DIP2C: variants seen among roughly 807,000 people sequenced by gnomAD.
The protein encoded by DIP2C is DIP2 acetate--CoA ligase C (putative), also known as disco-interacting protein 2 homolog C.
In DIP2C, 33 loss-of-function variants were observed where a neutral mutation model predicts 192.4. That is an observed-to-expected ratio of 0.17 (90% CI 0.13 to 0.23). The LOEUF (loss-of-function observed/expected upper bound fraction) is 0.23, where lower values mean the gene tolerates loss of function less well. Among genes scored for constraint, DIP2C ranks in the 10% least tolerant of loss-of-function variants. DIP2C has a pLI of 1.00. For synonymous variants in DIP2C, 979 were observed against 864.1 expected (o/e 1.13, Z -2.33); for missense variants, 1,537 against 2,110.1 (o/e 0.73, Z 5.32).
At chr10:422,641 G>A (rs1444015055) in intron 5 of DIP2C, among the ~76,000 whole-genome samples, 183 bp downstream of exon 5, 3 of 152,210 alleles carry the variant, frequency 2.0e-5, no homozygotes, top group Non-Finnish European at 2.9e-5. Context: ...GCTGTGGGAG[G>A]GACCTGGGCA....
intron 34 of DIP2C, among the ~76,000 whole-genome samples, chr10:285,144 G>C (rs922262327): frequency 5.0e-5 from 6 of 120,342 alleles, no homozygotes; most frequent in Non-Finnish European, 1.0e-4. Flanking sequence ...GAGAGGTCAA[G>C]TGAGGGGCCA....
chr10:352,740 G>A (rs1958883816), intron 24 of DIP2C, among the ~76,000 whole-genome samples: 1 of 152,162 alleles, frequency 6.6e-6, no homozygotes, highest in Non-Finnish European at 1.5e-5. Flanking sequence ...GGCAGTCCCA[G>A]GCACCTGCAG....
intron 13 of DIP2C, among the ~76,000 whole-genome samples, chr10:388,177 GC>G (rs1419780045): frequency 6.6e-6 from 1 of 152,128 alleles, no homozygotes; most frequent in East Asian, 1.9e-4. Flanking sequence ...TGCCCTCTGC[GC>G]ACAGAGGAGG....
chr10:555,271 G>A (rs1228635100), intron 1 of DIP2C, among the ~76,000 whole-genome samples: 1 of 151,410 alleles, frequency 6.6e-6, no homozygotes, highest in African/African-American at 2.4e-5. Context: ...TGGGCTCTTT[G>A]CTGTTTTATT....
At chr10:377,335 C>T (rs918681717) in intron 17 of DIP2C, among the ~76,000 whole-genome samples, 2 of 152,232 alleles carry the variant, frequency 1.3e-5, no homozygotes, top group East Asian at 3.9e-4. Context: ...TGCCATCTTC[C>T]CGCTGCACCT....
intron 3 of DIP2C, among the ~76,000 whole-genome samples, chr10:457,561 T>C (rs1969402809): frequency 2.0e-5 from 3 of 152,198 alleles, no homozygotes. Context: ...TTAAATTCTT[T>C]TTTTTCTTTT....
intron 3 of DIP2C, among the ~76,000 whole-genome samples, chr10:443,028 C>G (rs544650115): frequency 2.6e-5 from 4 of 152,180 alleles, no homozygotes; most frequent in Non-Finnish European, 5.9e-5. Flanking sequence ...GGACTAGACT[C>G]AAGAGTATGC....
chr10:300,532 T>C (rs531649169), intron 32 of DIP2C, among the ~76,000 whole-genome samples: 1 of 152,082 alleles, frequency 6.6e-6, no homozygotes, highest in South Asian at 2.1e-4. Flanking sequence ...CAATATTAAG[T>C]GCGTGGAGAA....
intron 1 of DIP2C, among the ~76,000 whole-genome samples, chr10:499,313 G>A (rs1056112639): frequency 6.8e-6 from 1 of 147,782 alleles, no homozygotes; most frequent in African/African-American, 2.5e-5. Flanking sequence ...TCCCTGTGTG[G>A]ACGGCTGGGC....
chr10:576,539 A>G (rs1288504829), intron 1 of DIP2C, among the ~76,000 whole-genome samples: 3 of 152,244 alleles, frequency 2.0e-5, no homozygotes, highest in African/African-American at 7.2e-5. Context: ...ACACAACCAC[A>G]TTCATTTCAA....
intron 1 of DIP2C, among the ~76,000 whole-genome samples, chr10:552,791 C>T (rs1161817303): frequency 6.6e-6 from 1 of 152,210 alleles, no homozygotes; most frequent in Non-Finnish European, 1.5e-5. Context: ...GGAGCTTGCA[C>T]TGAGCCAAAA....
chr10:534,241 G>A (rs187793509), intron 1 of DIP2C, among the ~76,000 whole-genome samples: 40 of 152,316 alleles, frequency 2.6e-4, no homozygotes, highest in African/African-American at 8.9e-4. Context: ...CCCCGGGGAC[G>A]TGCGAAACGG....
At chr10:654,327 A>G (rs61614588) in intron 1 of DIP2C, among the ~76,000 whole-genome samples, 5,464 of 152,264 alleles carry the variant, frequency 0.036, 319 homozygotes, top group African/African-American at 0.12. Flanking sequence ...CCGTTTCTGT[A>G]CCCAGCTGGA....
In DIP2C at chr10:486,543, G is replaced by A. The variant is rs1402448201; in HGVS notation, c.86-13C>T. 3 of 1,601,354 alleles carry A rather than the reference G, an allele frequency of 1.9e-6. No homozygotes were observed. The highest frequency in any genetic ancestry group is 1.3e-5 in the African/African-American group (1 of 74,516). On this transcript the variant is annotated splice_polypyrimidine_tract_variant and intron_variant, in intron 1 of 36. Coordinates refer to ENST00000280886, the MANE Select transcript of DIP2C (RefSeq NM_014974.3). ...TGTGTGATGTCACCTGCAAGAGAAG[G>A]AAAATGAAGTTCAGTATGGTCTCCG...
intron 32 of DIP2C, among the ~76,000 whole-genome samples, chr10:294,254 G>C (rs543717934): frequency 6.6e-6 from 1 of 152,204 alleles, no homozygotes; most frequent in South Asian, 2.1e-4. Flanking sequence ...AGAGGTGCTC[G>C]ATTTCTGAAC....
intron 1 of DIP2C, among the ~76,000 whole-genome samples, chr10:532,145 G>T (rs567738263): frequency 1.3e-5 from 2 of 152,032 alleles, no homozygotes; most frequent in African/African-American, 4.8e-5. Flanking sequence ...CATCAGCCCC[G>T]GCAGAAGCTT....
intron 1 of DIP2C, among the ~76,000 whole-genome samples, chr10:616,129 C>G (rs562205681): frequency 6.6e-6 from 1 of 152,330 alleles, no homozygotes; most frequent in Non-Finnish European, 1.5e-5. Context: ...GTCACACACA[C>G]TTGAGAAACA....
intron 1 of DIP2C, among the ~76,000 whole-genome samples, chr10:509,168 G>C (rs1257271961): frequency 1.3e-5 from 2 of 152,240 alleles, no homozygotes; most frequent in Admixed American, 6.5e-5. Flanking sequence ...TGGTTTTTTA[G>C]ACTGACTGTA....
intron 3 of DIP2C, among the ~76,000 whole-genome samples, chr10:450,737 G>T (rs897819482): frequency 2.0e-5 from 3 of 152,112 alleles, no homozygotes; most frequent in Admixed American, 6.5e-5. Context: ...CTTCCCAGAA[G>T]AGCTTCCCAA....
Sources: gnomAD v4.1 joint callset for allele counts (sites outside exome capture counted in the v4.1 genomes callset) on GRCh38, gnomAD v4.1.1 for gene constraint, MANE v1.5 for transcripts, NCBI Gene and HGNC (gene_info 2026-07-23, HGNC 2026-07-21) for gene names.